The following TENT4A variants were observed in gnomAD, a reference collection of about 807,000 sequenced individuals.
The protein encoded by TENT4A is terminal nucleotidyltransferase 4A, also known as DNA polymerase kappa.
In TENT4A, 7 loss-of-function variants were observed where a neutral mutation model predicts 72.8. The ratio of observed to expected loss-of-function variants is 0.10; its 90% CI spans 0.05 to 0.18. The LOEUF is 0.18. Among genes scored for constraint, TENT4A ranks in the 10% least tolerant of loss-of-function variants. The pLI is 1.00. For synonymous variants in TENT4A, 456 were observed against 434.3 expected (o/e 1.05, Z -0.62); for missense variants, 831 against 1,017.7 (o/e 0.82, Z 2.50).
Position 6,738,748 on chromosome 5 carries a change from G to A in TENT4A, c.887+19G>A. The A allele has an allele frequency of 1.3e-6, 2 of 1,591,070 alleles. No homozygotes were observed. Among genetic ancestry groups the A allele is most frequent in the Non-Finnish European group, 1.7e-6 (2 of 1,159,036 alleles). On this transcript the variant is annotated intron_variant, in intron 3 of 12. Coordinates refer to ENST00000230859, the MANE Select transcript of TENT4A (RefSeq NM_006999.6). Reference sequence around the variant, plus strand: ...CAACTAGGTGAGTACCAGACTGCATGGCATGGGCTAGTGGGGGGCTGGGAT... The same window carrying A: ...CAACTAGGTGAGTACCAGACTGCATAGCATGGGCTAGTGGGGGGCTGGGAT...
intron 11 of TENT4A, 46 bp from the exon 12 acceptor site, chr5:6,752,827 C>T (rs749193063): frequency 6.3e-7 from 1 of 1,579,928 alleles, no homozygotes; most frequent in Non-Finnish European, 8.7e-7. Flanking sequence ...GATGGTTTTC[C>T]TCTGATTGCT....
At chr5:6,739,902 C>A (rs1357563260) in intron 4 of TENT4A, 50 bp downstream of exon 4, 1 of 1,588,144 alleles carries the variant, frequency 6.3e-7, no homozygotes, top group Admixed American at 1.7e-5. Context: ...CTTGTCACAT[C>A]CCAGGTGGTC....
rs144820466 is a variant in TENT4A, at chr5:6,742,567, G to T, written c.1086G>T (p.Arg362=). The change falls in exon 5 of 13, where the codon CGG becomes CGT. Residue 362 remains arginine, a synonymous_variant. Coordinates refer to ENST00000230859, the MANE Select transcript of TENT4A (RefSeq NM_006999.6). ...DISFNMETGV[R]AAEFIKNYMK... ...GCTTTAACATGGAGACGGGCGTCCG[G>T]GCAGCGGAGTTCATCAAGAATTACA... 71 of 1,612,770 alleles carry T rather than the reference G, an allele frequency of 4.4e-5. No homozygotes were observed. Among genetic ancestry groups the T allele is most frequent in the Non-Finnish European group, 5.9e-5 (70 of 1,178,916 alleles).
At chr5:6,734,458 G>C (rs542350279) in intron 1 of TENT4A, among the ~76,000 whole-genome samples, 1 of 152,338 alleles carries the variant, frequency 6.6e-6, no homozygotes, top group East Asian at 1.9e-4. Flanking sequence ...TCCTGGAGTC[G>C]TGCGGCACCT....
At chr5:6,749,925 C>G (rs1403035365) in intron 9 of TENT4A, among the ~76,000 whole-genome samples, 1 of 152,070 alleles carries the variant, frequency 6.6e-6, no homozygotes, top group Non-Finnish European at 1.5e-5. Flanking sequence ...TTATTCCACT[C>G]AAGTCAAAAT....
At position 6,756,237 on chromosome 5, in the gene TENT4A, C is replaced by G. The variant is rs1231849308; in HGVS notation, c.*1292C>G. ...CCACAACAACCACTGTCTTTGTTACCTTTTTTTGAACAAGAATATATCCAT... is the reference window on the plus strand; with the variant it reads ...CCACAACAACCACTGTCTTTGTTACGTTTTTTTGAACAAGAATATATCCAT... On this transcript the variant is annotated 3_prime_UTR_variant, in exon 13 of 13. Transcript: ENST00000230859. 6.6e-6 allele frequency: 1 copy of G among 152,552 alleles called. No individual in the cohort carries two copies. The highest frequency in any genetic ancestry group is 6.5e-5 in the Admixed American group (1 of 15,274). The allele number at this position is 152,552 out of a possible 1,614,324, so 9.4% of individuals were successfully genotyped here.
chr5:6,714,151 G>A lies in TENT4A; in HGVS notation c.168G>A (p.Ala56=). The change falls in exon 1 of 13, where the codon GCG becomes GCA. Residue 56 remains alanine (A), a synonymous_variant. Transcript: ENST00000230859. ...TGGACACGGCGGCCGCGGCGGGGGC[G>A]GCCGGGCGGGGCAGTGGCGGCCTGG... ...PALDTAAAAG[A]AGRGSGGLGP... is the part of the protein sequence containing the mutation. The A allele has an allele frequency of 1.0e-6, 1 of 975,506 alleles. No homozygotes were observed. The highest frequency in any genetic ancestry group is 1.8e-5 in the African/African-American group (1 of 55,228). 60.4% of individuals were successfully genotyped at this position (975,506 alleles called of 1,614,324 possible). A position where few individuals can be genotyped will look rare whatever the true frequency, so the allele number is the denominator to read the frequency against.
In TENT4A at chr5:6,743,872, G is replaced by C. The variant is rs760440762; in HGVS notation, c.1245+32G>C. The C allele has an allele frequency of 3.7e-6, 6 of 1,609,418 alleles. No individual in the cohort carries two copies. In the Admixed American group the frequency reaches 1.0e-4, roughly 27 times the overall value. ...ATGCTTTCTTGAGACTGTTTCTGTT[G>C]AGACATGTGTAAGAGTAGACTCTTC... is the stretch of plus-strand genomic sequence containing the variant. On this transcript the variant is annotated intron_variant, in intron 6 of 12. Coordinates refer to ENST00000230859, the MANE Select transcript of TENT4A (RefSeq NM_006999.6).
intron 1 of TENT4A, among the ~76,000 whole-genome samples, chr5:6,724,003 G>A (rs576565520): frequency 6.6e-6 from 1 of 152,362 alleles, no homozygotes; most frequent in South Asian, 2.1e-4. Context: ...GACAAGGCAG[G>A]ACTGGCAGCG....
At chr5:6,750,626 T>A in intron 10 of TENT4A, 123 bp downstream of exon 10, 1 of 902,890 alleles carries the variant, frequency 1.1e-6, no homozygotes, top group Non-Finnish European at 1.6e-6. Context: ...TGTATGTGTG[T>A]GGAGGTGGGT....
intron 1 of TENT4A, among the ~76,000 whole-genome samples, chr5:6,736,230 C>T (rs570556946): frequency 1.3e-5 from 2 of 152,282 alleles, no homozygotes; most frequent in Admixed American, 1.3e-4. Context: ...GGAATGCGTA[C>T]TCCAAATGAC....
chr5:6,720,364 G>T (rs1187213782), intron 1 of TENT4A, among the ~76,000 whole-genome samples: 1 of 152,072 alleles, frequency 6.6e-6, no homozygotes, highest in African/African-American at 2.4e-5. Context: ...TGATGAGCAG[G>T]TTGTGGTTCT....
intron 1 of TENT4A, among the ~76,000 whole-genome samples, chr5:6,717,372 G>GATGAGCCTGCTGTGGAGC: frequency 6.6e-6 from 1 of 152,376 alleles, no homozygotes; most frequent in Admixed American, 6.5e-5. Flanking sequence ...CTCATGGGAG[G>GATGAGCCTGCTGTGGAGC]ATGAGCCTGC....
chr5:6,739,167 C>T (rs906000806), intron 3 of TENT4A, among the ~76,000 whole-genome samples: 2 of 152,176 alleles, frequency 1.3e-5, no homozygotes, highest in African/African-American at 4.8e-5. Context: ...TTCTAAAATA[C>T]AAACTAGTAT....
At chr5:6,753,615 G>A (rs4389656) in intron 12 of TENT4A, among the ~76,000 whole-genome samples, 39,826 of 152,162 alleles carry the variant, frequency 0.26, 5,879 homozygotes, top group East Asian at 0.39. Flanking sequence ...GAATGATTGG[G>A]AGAGCCATGG....
Position 6,714,698 on chromosome 5 carries a change from G to A in TENT4A, c.715G>A (p.Gly239Arg). The A allele has an allele frequency of 8.4e-7, 1 of 1,190,234 alleles. No homozygotes were observed. Among genetic ancestry groups the A allele is most frequent in the Non-Finnish European group, 1.0e-6 (1 of 960,660 alleles). The allele number at this position is 1,190,234 out of a possible 1,614,324, so 73.7% of individuals were successfully genotyped here. A position where few individuals can be genotyped will look rare whatever the true frequency, so the allele number is the denominator to read the frequency against. ...CCGCGCGTACAGCCCGGGCATCCAGGGGTGAGTGCGCGGGGAGGCCGCGGG... is the reference window on the plus strand; with the variant it reads ...CCGCGCGTACAGCCCGGGCATCCAGAGGTGAGTGCGCGGGGAGGCCGCGGG... ...KSRAYSPGIQ[G>R]LHEEIIDFYN... The change falls in exon 1 of 13, where the codon GGA becomes AGA. Residue 239 changes from glycine (G) to arginine (R), a missense_variant and splice_region_variant. This residue lies in a region of TENT4A where 302 missense variants were observed against 293.8 expected (regional missense o/e 1.03). Coordinates refer to ENST00000230859, the MANE Select transcript of TENT4A (RefSeq NM_006999.6).
chr5:6,753,495 G>A (rs1742524976), intron 12 of TENT4A, among the ~76,000 whole-genome samples: 1 of 152,262 alleles, frequency 6.6e-6, no homozygotes, highest in Admixed American at 6.5e-5. Context: ...AGAGCTGTGT[G>A]CTGGGCCTCA....
intron 1 of TENT4A, 42 bp downstream of exon 1, chr5:6,714,741 T>TGGTCCTGGCGGGCGCCCGC: frequency 3.0e-6 from 3 of 1,002,924 alleles, no homozygotes; most frequent in Non-Finnish European, 3.8e-6. Context: ...GCGGGGCCCA[T>TGGTCCTGGCGGGCGCCCGC]GGTCCTGGCC....
chr5:6,754,167 T>G (rs1478242145), intron 12 of TENT4A, among the ~76,000 whole-genome samples: 1 of 152,134 alleles, frequency 6.6e-6, no homozygotes, highest in African/African-American at 2.4e-5. Context: ...GACAGGGACC[T>G]TCTTACTTCT....
Sources: gnomAD v4.1 joint callset for allele counts (sites outside exome capture counted in the v4.1 genomes callset) on GRCh38, gnomAD v4.1.1 for gene constraint, gnomAD v4.1.1 regional missense constraint, MANE v1.5 for transcripts, NCBI Gene and HGNC (gene_info 2026-07-23, HGNC 2026-07-21) for gene names.